The following SYNPR variants were observed in gnomAD, a reference collection of about 807,000 sequenced individuals.
SYNPR encodes synaptoporin.
A neutral mutation model predicts 32.9 loss-of-function variants in SYNPR; 23 were observed. The ratio of observed to expected loss-of-function variants is 0.70; its 90% CI spans 0.50 to 0.99. The LOEUF (loss-of-function observed/expected upper bound fraction) is 0.99, where lower values mean the gene tolerates loss of function less well. Among genes scored for constraint, SYNPR ranks in the 50% least tolerant of loss-of-function variants. The probability of loss-of-function intolerance (pLI) is 0.00; values close to 1 mark genes in which losing one functional copy is unlikely to be tolerated. For synonymous variants in SYNPR, 146 were observed against 135.9 expected, an observed-to-expected ratio of 1.07 and a Z score of -0.52; for missense variants, 318 against 349.3, an observed-to-expected ratio of 0.91 and a Z score of 0.71.
intron 4 of SYNPR, among the ~76,000 whole-genome samples, chr3:63,600,167 C>T (rs9856907): frequency 0.042 from 6,352 of 152,272 alleles, 229 homozygotes; most frequent in African/African-American, 0.094. Flanking sequence ...GTAGTACCTA[C>T]GTCATAAGAT....
chr3:63,517,370 C>A (rs1018946775), intron 3 of SYNPR, among the ~76,000 whole-genome samples: 1 of 152,010 alleles, frequency 6.6e-6, no homozygotes, highest in Non-Finnish European at 1.5e-5. Flanking sequence ...TCAGTTTGAT[C>A]TCAGTGGATG....
chr3:63,209,850 G>A, the SYNPR span, among the ~76,000 whole-genome samples: 1 of 152,156 alleles, frequency 6.6e-6, no homozygotes, highest in African/African-American at 2.4e-5. Context: ...CTTAGCATCT[G>A]TCTCCTCTAA....
chr3:63,208,068 C>G, the SYNPR span, among the ~76,000 whole-genome samples: 1 of 151,832 alleles, frequency 6.6e-6, no homozygotes, highest in East Asian at 1.9e-4. Flanking sequence ...CACACACACT[C>G]ACAGAGTCAA....
At position 63,556,586 on chromosome 3, in the gene SYNPR, G is replaced by C. The variant is rs530576450; in HGVS notation, c.253G>C (p.Glu85Gln). The C allele has an allele frequency of 6.2e-6, 10 of 1,613,660 alleles. No individual in the cohort carries two copies. In the South Asian group the frequency reaches 9.9e-5, roughly 16 times the overall value. Residue 85 changes from glutamate (E) to glutamine (Q), a missense_variant, in exon 4 of 6, where the codon GAA (glutamate) becomes CAA (glutamine). Transcript: ENST00000478300. Reference sequence around the variant, plus strand: ...TGAGGTGCCCACCTGCGAGGGAAAGGAACGGCAGAAGCTGGCATTGATTGG... The same window carrying C: ...TGAGGTGCCCACCTGCGAGGGAAAGCAACGGCAGAAGCTGGCATTGATTGG... ...TFEVPTCEGK[E>Q]RQKLALIGDS...
chr3:63,306,961 C>A (rs1301276985), intron 2 of SYNPR, among the ~76,000 whole-genome samples: 2 of 151,888 alleles, frequency 1.3e-5, no homozygotes, highest in Non-Finnish European at 2.9e-5. Flanking sequence ...GAAGAAGTTT[C>A]TGAGACAATA....
chr3:63,608,037 GC>G (rs909807556), intron 4 of SYNPR, among the ~76,000 whole-genome samples: 1 of 152,024 alleles, frequency 6.6e-6, no homozygotes. Context: ...TTCCTGGTCG[GC>G]ATTTTTATTA....
chr3:63,466,481 A>G (rs1051801352), intron 2 of SYNPR, among the ~76,000 whole-genome samples: 5 of 150,596 alleles, frequency 3.3e-5, no homozygotes, highest in Non-Finnish European at 7.4e-5. Flanking sequence ...TGCTAAGAAT[A>G]CTTCATTATT....
intron 3 of SYNPR, among the ~76,000 whole-genome samples, chr3:63,540,482 G>C (rs531276260): frequency 1.3e-5 from 2 of 152,114 alleles, no homozygotes; most frequent in Non-Finnish European, 2.9e-5. Context: ...AGGCTTCGTG[G>C]AGGAAATATA....
At chr3:63,400,149 C>T (rs2107099818) in intron 2 of SYNPR, among the ~76,000 whole-genome samples, 1 of 152,316 alleles carries the variant, frequency 6.6e-6, no homozygotes, top group South Asian at 2.1e-4. Context: ...TTTTGCGACT[C>T]TTACACAGCA....
At chr3:63,267,001 G>T (rs2086495542) in intron 2 of SYNPR, among the ~76,000 whole-genome samples, 1 of 152,108 alleles carries the variant, frequency 6.6e-6, no homozygotes, top group East Asian at 1.9e-4. Flanking sequence ...TGTGGAGATA[G>T]GCCTTATGAA....
intron 2 of SYNPR, among the ~76,000 whole-genome samples, chr3:63,284,832 T>C (rs1375926665): frequency 6.6e-6 from 1 of 152,222 alleles, no homozygotes; most frequent in South Asian, 2.1e-4. Flanking sequence ...CAGCTACCTT[T>C]GTCATGCAGG....
chr3:63,467,699 C>A (rs1252894424), intron 2 of SYNPR, among the ~76,000 whole-genome samples: 1 of 152,206 alleles, frequency 6.6e-6, no homozygotes, highest in African/African-American at 2.4e-5. Flanking sequence ...TAACAATATG[C>A]TTAAACCTGC....
intron 3 of SYNPR, among the ~76,000 whole-genome samples, chr3:63,272,445 C>G (rs2086544988): frequency 1.3e-5 from 2 of 150,976 alleles, no homozygotes; most frequent in South Asian, 4.2e-4. Flanking sequence ...ATTCTTTGGG[C>G]TTTGTTTACA....
At chr3:63,515,947 C>T (rs1701790826) in intron 3 of SYNPR, among the ~76,000 whole-genome samples, 1 of 151,982 alleles carries the variant, frequency 6.6e-6, no homozygotes, top group East Asian at 1.9e-4. Flanking sequence ...CTTATTTAAC[C>T]AGTCCCCTAT....
intron 4 of SYNPR, among the ~76,000 whole-genome samples, chr3:63,562,205 C>T (rs1456988476): frequency 6.6e-6 from 1 of 152,154 alleles, no homozygotes; most frequent in Admixed American, 6.6e-5. Flanking sequence ...ACAGGATGTT[C>T]TGAGCCATTT....
intron 2 of SYNPR, among the ~76,000 whole-genome samples, chr3:63,295,095 T>C (rs1449224687): frequency 6.6e-6 from 1 of 152,182 alleles, no homozygotes; most frequent in East Asian, 1.9e-4. Flanking sequence ...ATTTCCTCTC[T>C]TTCTCAGATC....
At chr3:63,417,545 A>G (rs930122092) in intron 2 of SYNPR, among the ~76,000 whole-genome samples, 3 of 152,088 alleles carry the variant, frequency 2.0e-5, no homozygotes, top group African/African-American at 7.2e-5. Context: ...CCCACCCTAC[A>G]TTTCCCTTCT....
intron 3 of SYNPR, among the ~76,000 whole-genome samples, chr3:63,493,407 A>G (rs1232946623): frequency 1.3e-5 from 2 of 152,120 alleles, no homozygotes; most frequent in Non-Finnish European, 2.9e-5. Context: ...TTCCCCTTCC[A>G]GTATCCCACT....
Position 63,237,883 on chromosome 3 carries a change from G to C in SYNPR, n.66+9503G>C, listed in dbSNP as rs1237878930. Among the ~76,000 whole-genome samples, 6 of 152,020 alleles carry C rather than the reference G, an allele frequency of 3.9e-5. 1 individual carries two copies. The highest frequency in any genetic ancestry group is 2.6e-4 in the Admixed American group (4 of 15,252). On this transcript the variant is annotated intron_variant and non_coding_transcript_variant, in intron 1 of 4. Transcript: ENST00000478456. ...CAGGCCTGGCCTCAGGTGTCTCTGG[G>C]AGGGTTGGAGCATCTAAGGCTTGGC...
Sources: allele counts gnomAD v4.1 joint callset (sites outside exome capture counted in the v4.1 genomes callset), GRCh38; gene constraint gnomAD v4.1.1; transcripts MANE v1.5; gene names NCBI Gene and HGNC (gene_info 2026-07-23, HGNC 2026-07-21).